The following FAM83F variants were observed in gnomAD, a reference collection of about 807,000 sequenced individuals.
FAM83F encodes the protein scaffolding CK1 anchoring protein F.
A neutral mutation model predicts 42.9 loss-of-function variants in FAM83F; 45 were observed. That is an observed-to-expected ratio of 1.05 (90% CI 0.83 to 1.35). The LOEUF (loss-of-function observed/expected upper bound fraction) is 1.35. Ranked by LOEUF, FAM83F falls within the 40% of genes most tolerant of loss-of-function variation. FAM83F has a pLI of 0.00. For synonymous variants in FAM83F, 306 were observed against 298.3 expected, an observed-to-expected ratio of 1.03 and a Z score of -0.27; for missense variants, 617 against 695.9, an observed-to-expected ratio of 0.89 and a Z score of 1.28.
At chr22:39,996,909 G>A (rs912002502) in intron 1 of FAM83F, among the ~76,000 whole-genome samples, 5 of 152,308 alleles carry the variant, frequency 3.3e-5, no homozygotes, top group Admixed American at 1.3e-4. Context: ...GGATGTAGGC[G>A]GCAATACAGG....
chr22:40,028,236 GC>G (rs1209567698), intron 4 of FAM83F, among the ~76,000 whole-genome samples: 3 of 152,260 alleles, frequency 2.0e-5, no homozygotes, highest in Non-Finnish European at 2.9e-5. Flanking sequence ...CGTTCAGTCT[GC>G]CTGGATGGAT....
chr22:40,009,653 G>A (rs2067452817), intron 1 of FAM83F: 1 of 152,892 alleles, frequency 6.5e-6, no homozygotes, highest in Non-Finnish European at 1.5e-5. Context: ...GGAGGCCTGG[G>A]CTTCTGGCCA....
Position 40,029,523 on chromosome 22 carries a change from A to G in FAM83F, c.1461A>G (p.Thr487=). Residue 487 remains threonine (T), a synonymous_variant, in exon 5 of 5, where the codon ACA becomes ACG. Transcript: ENST00000333407. ...ENSSADISGK[T]SPSSAKPSNC... ...TGTCCCTTGCCTCTGCAGGTAAAAC[A>G]AGTCCCAGTTCTGCCAAGCCTAGCA... 6.2e-7 allele frequency: 1 copy of G among 1,612,450 alleles called. No homozygotes were observed. The highest frequency in any genetic ancestry group is 1.7e-5 in the Admixed American group (1 of 59,870).
At chr22:40,007,300 CTTG>C (rs2145711370) in intron 1 of FAM83F, among the ~76,000 whole-genome samples, 1 of 91,362 alleles carries the variant, frequency 1.1e-5, no homozygotes, top group African/African-American at 4.4e-5. Flanking sequence ...TCCTCCTCCT[CTTG>C]TCCTCTCCTC....
At chr22:40,017,221 CTTTCTTTTTT>C in intron 1 of FAM83F, among the ~76,000 whole-genome samples, 1 of 123,312 alleles carries the variant, frequency 8.1e-6, no homozygotes, top group Middle Eastern at 4.1e-3. Flanking sequence ...GCTCTCAGCA[CTTTCTTTTTT>C]TTTTTTTTTT....
At chr22:40,010,810 C>G (rs945374283) in intron 1 of FAM83F, among the ~76,000 whole-genome samples, 2 of 152,214 alleles carry the variant, frequency 1.3e-5, no homozygotes, top group Non-Finnish European at 2.9e-5. Flanking sequence ...TATCAGAGCC[C>G]TGGAAACTGC....
Position 40,029,617 on chromosome 22 carries a change from G to GTGC in FAM83F, c.*55_*57dup. On this transcript the variant is annotated 3_prime_UTR_variant, in exon 5 of 5. Coordinates refer to ENST00000333407, the MANE Select transcript of FAM83F (RefSeq NM_138435.4). ...TGTGGATGCCTGCCTGCCCTGCCCT[G>GTGC]TGCTGTGGAGAGCGCAGGTCGCACA... The GTGC allele has an allele frequency of 6.3e-7, 1 of 1,592,790 alleles. No individual in the cohort carries two copies. The highest frequency in any genetic ancestry group is 2.3e-5 in the East Asian group (1 of 43,736).
At chr22:40,000,495 A>G (rs1413234321) in intron 1 of FAM83F, among the ~76,000 whole-genome samples, 1 of 152,192 alleles carries the variant, frequency 6.6e-6, no homozygotes, top group Non-Finnish European at 1.5e-5. Context: ...GTCTTTCCCC[A>G]TTAACTGCAA....
intron 1 of FAM83F, among the ~76,000 whole-genome samples, chr22:40,010,599 C>T (rs560188981): frequency 9.0e-4 from 137 of 152,324 alleles, no homozygotes; most frequent in African/African-American, 2.8e-3. Context: ...GGCCAGCTTC[C>T]CTGCTTAATT....
chr22:40,016,281 C>T (rs1412881663), intron 1 of FAM83F, among the ~76,000 whole-genome samples: 4 of 152,142 alleles, frequency 2.6e-5, no homozygotes, highest in Non-Finnish European at 5.9e-5. Context: ...TGGCTCACTG[C>T]AGCCTCAACC....
intron 4 of FAM83F, among the ~76,000 whole-genome samples, chr22:40,025,006 G>C (rs1018059211): frequency 2.3e-4 from 35 of 152,064 alleles, no homozygotes; most frequent in African/African-American, 8.2e-4. Context: ...TCTTCCCTCC[G>C]CCCTCGCCTC....
chr22:40,011,878 T>G (rs895924150), intron 1 of FAM83F, among the ~76,000 whole-genome samples: 5 of 152,176 alleles, frequency 3.3e-5, no homozygotes, highest in African/African-American at 9.7e-5. Flanking sequence ...TTCCCAGGGG[T>G]GCACGGCCAA....
At chr22:40,017,634 C>T (rs952060826) in intron 1 of FAM83F, among the ~76,000 whole-genome samples, 21 of 152,152 alleles carry the variant, frequency 1.4e-4, no homozygotes, top group Non-Finnish European at 2.4e-4. Flanking sequence ...AAGCTTGGGC[C>T]GGCTGTGGCA....
intron 1 of FAM83F, chr22:40,009,629 G>C (rs59943518): frequency 6.5e-6 from 1 of 152,940 alleles, no homozygotes; most frequent in African/African-American, 2.4e-5. Flanking sequence ...GGATTTGGTC[G>C]GTGGGGAGGA....
In FAM83F at chr22:40,021,790, C is replaced by G. The variant is rs115818503; in HGVS notation, c.1280C>G (p.Ala427Gly). The G allele has an allele frequency of 1.9e-5, 30 of 1,612,504 alleles. No individual in the cohort carries two copies. The highest frequency in any genetic ancestry group is 2.5e-5 in the Non-Finnish European group (29 of 1,179,678). Residue 427 changes from alanine to glycine, a missense_variant, in exon 4 of 5, where the codon GCG becomes GGG. Coordinates refer to ENST00000333407, the MANE Select transcript of FAM83F (RefSeq NM_138435.4). The surrounding 1 kb of genome is among the most constrained non-coding windows in gnomAD (Gnocchi z 8.7). ...CCCAGCCGAAACGGCATGGGAGAAG[C>G]GGCCCGGGGGGAGGCCGCCCCCGCC... ...EAPSRNGMGE[A>G]ARGEAAPARR... is the part of the protein sequence containing the mutation.
Position 40,038,163 on chromosome 22 carries a change from G to A in FAM83F, c.*8598G>A, listed in dbSNP as rs2067635948. On this transcript the variant is annotated 3_prime_UTR_variant, in exon 5 of 5. Coordinates refer to ENST00000333407, the MANE Select transcript of FAM83F (RefSeq NM_138435.4). ...GAACATGGTTAGGAAGATGGATACT[G>A]GGAGGCAAGTGTTCTGATGGGAAAG... 1 of 152,324 alleles carries A rather than the reference G, an allele frequency of 6.6e-6. No homozygotes were observed. Among genetic ancestry groups the A allele is most frequent in the East Asian group, 1.9e-4 (1 of 5,204 alleles). The allele number at this position is 152,324 out of a possible 1,614,324, so 9.4% of individuals were successfully genotyped here. A position where few individuals can be genotyped will look rare whatever the true frequency, so the allele number is the denominator to read the frequency against.
intron 1 of FAM83F, among the ~76,000 whole-genome samples, chr22:40,005,056 A>G (rs1370218495): frequency 6.6e-6 from 1 of 152,072 alleles, no homozygotes; most frequent in Admixed American, 6.5e-5. Context: ...CCCTCCCTGC[A>G]CTCTCAACTT....
At chr22:40,009,269 G>C (rs886604274) in intron 1 of FAM83F, among the ~76,000 whole-genome samples, 8 of 152,024 alleles carry the variant, frequency 5.3e-5, no homozygotes, top group African/African-American at 9.7e-5. Context: ...AGGCCCCCCC[G>C]AGATCAGCAA....
chr22:40,015,771 C>T (rs1003792918), intron 1 of FAM83F, among the ~76,000 whole-genome samples: 3 of 152,218 alleles, frequency 2.0e-5, no homozygotes, highest in African/African-American at 7.2e-5. Context: ...TCACCCCAAA[C>T]CCACATCACA....
Sources: allele counts gnomAD v4.1 joint callset (sites outside exome capture counted in the v4.1 genomes callset), GRCh38; gene constraint gnomAD v4.1.1; non-coding constraint Gnocchi (gnomAD v3.1); transcripts MANE v1.5; gene names NCBI Gene and HGNC (gene_info 2026-07-23, HGNC 2026-07-21).